The following CCDC91 variants were observed in gnomAD, a reference collection of about 807,000 sequenced individuals.
The protein encoded by CCDC91 is coiled-coil domain containing 91.
A neutral mutation model predicts 63.2 loss-of-function variants in CCDC91; 48 were observed. The observed-to-expected ratio is 0.76, with a 90% CI of 0.60 to 0.97. The LOEUF is 0.97. Ranked by LOEUF, CCDC91 falls within the 50% of genes least tolerant of loss-of-function variation. The pLI is 0.00. For missense variants in CCDC91, 500 were observed against 494.6 expected (o/e 1.01, Z -0.10); for synonymous variants, 167 against 165.8 (o/e 1.01, Z -0.06).
chr12:28,516,799 C>T (rs1341767304), intron 12 of CCDC91, among the ~76,000 whole-genome samples: 1 of 151,804 alleles, frequency 6.6e-6, no homozygotes, highest in Non-Finnish European at 1.5e-5. Context: ...ACATGTCAAC[C>T]CTACTACCTC....
intron 8 of CCDC91, among the ~76,000 whole-genome samples, chr12:28,421,416 T>G (rs1211108345): frequency 6.6e-6 from 1 of 152,068 alleles, no homozygotes; most frequent in African/African-American, 2.4e-5. Context: ...TTTGTCCATG[T>G]ATTCTCAGTG....
intron 11 of CCDC91, among the ~76,000 whole-genome samples, chr12:28,462,254 A>G (rs1950343079): frequency 6.6e-6 from 1 of 152,142 alleles, no homozygotes; most frequent in Non-Finnish European, 1.5e-5. Context: ...GAGTGTTATT[A>G]TCCCATCTTA....
rs567035294 is a variant in CCDC91 at position 28,273,342 on chromosome 12, T to C, written c.109+13900T>C. Among the ~76,000 whole-genome samples, 14 of 152,352 alleles carry C rather than the reference T, an allele frequency of 9.2e-5. No homozygotes were observed. The East Asian group carries it at 1.7e-3, about 19-fold the overall frequency. On this transcript the variant is annotated intron_variant, in intron 3 of 12. Coordinates refer to ENST00000536442, the MANE Select transcript of CCDC91 (RefSeq NM_018318.5). ...TATAGCAGCATGATTTATAATCCTTTGGGTATATACCCAGTAATGGGATTG... is the reference window on the plus strand; with the variant it reads ...TATAGCAGCATGATTTATAATCCTTCGGGTATATACCCAGTAATGGGATTG...
At chr12:28,365,916 A>G (rs1216531985) in intron 7 of CCDC91, among the ~76,000 whole-genome samples, 1 of 152,182 alleles carries the variant, frequency 6.6e-6, no homozygotes, top group East Asian at 1.9e-4. Context: ...CTTTCTAGTT[A>G]TCCTGGACTA....
intron 6 of CCDC91, among the ~76,000 whole-genome samples, chr12:28,350,990 C>A (rs1943145761): frequency 6.6e-6 from 1 of 152,136 alleles, no homozygotes; most frequent in African/African-American, 2.4e-5. Flanking sequence ...TTGGACAAAA[C>A]TTTTTAGGGG....
intron 7 of CCDC91, among the ~76,000 whole-genome samples, chr12:28,371,836 A>G (rs1357462930): frequency 6.6e-6 from 1 of 152,200 alleles, no homozygotes; most frequent in Non-Finnish European, 1.5e-5. Context: ...GTCCCTTTGG[A>G]TATCAAGTGG....
intron 11 of CCDC91, among the ~76,000 whole-genome samples, chr12:28,458,458 T>C: frequency 1.8e-5 from 1 of 56,756 alleles, no homozygotes; most frequent in African/African-American, 6.6e-5. Context: ...TGCACACCTT[T>C]TTTTTTTTTT....
At chr12:28,355,528 C>T (rs776057564) in intron 6 of CCDC91, among the ~76,000 whole-genome samples, 8 of 152,168 alleles carry the variant, frequency 5.3e-5, no homozygotes, top group Non-Finnish European at 1.0e-4. Context: ...TTTTCATCTT[C>T]AGGGTGATGA....
intron 12 of CCDC91, among the ~76,000 whole-genome samples, chr12:28,543,345 C>T (rs1376231776): frequency 6.6e-6 from 1 of 152,082 alleles, no homozygotes; most frequent in Admixed American, 6.6e-5. Context: ...CCACTGTTCT[C>T]TTACAAGATC....
chr12:28,519,618 G>T lies in CCDC91; in HGVS notation c.1216-29445G>T, dbSNP rs1300346123. Among the ~76,000 whole-genome samples the T allele has an allele frequency of 4.0e-5, 6 of 150,456 alleles. No individual in the cohort carries two copies. The East Asian group carries it at 1.2e-3, about 29-fold the overall frequency. ...AAGTTCTAGGGTACACGTGCACAAC[G>T]TGCAGGTTTGTTACATATGTATACA... On this transcript the variant is annotated intron_variant, in intron 12 of 12. Coordinates refer to ENST00000536442, the MANE Select transcript of CCDC91 (RefSeq NM_018318.5).
At chr12:28,441,637 T>A (rs1331576907) in intron 8 of CCDC91, among the ~76,000 whole-genome samples, 1 of 147,930 alleles carries the variant, frequency 6.8e-6, no homozygotes, top group African/African-American at 2.6e-5. Context: ...TGTGTATATA[T>A]ATCTCTCTCT....
At chr12:28,362,109 C>A (rs1281390217) in intron 6 of CCDC91, among the ~76,000 whole-genome samples, 1 of 151,962 alleles carries the variant, frequency 6.6e-6, no homozygotes, top group Non-Finnish European at 1.5e-5. Context: ...AGGCTTGTTG[C>A]AGTGACGCAG....
intron 6 of CCDC91, among the ~76,000 whole-genome samples, chr12:28,317,632 A>G (rs549276906): frequency 1.3e-5 from 2 of 152,026 alleles, no homozygotes; most frequent in East Asian, 3.9e-4. Context: ...TTGATCATAC[A>G]TTTGCCTAAG....
intron 8 of CCDC91, among the ~76,000 whole-genome samples, chr12:28,413,699 C>G (rs1460036657): frequency 6.6e-6 from 1 of 152,190 alleles, no homozygotes; most frequent in Admixed American, 6.5e-5. Flanking sequence ...CACAGGGAAC[C>G]TTTTCCATTG....
At chr12:28,276,123 A>G (rs931286629) in intron 3 of CCDC91, among the ~76,000 whole-genome samples, 2 of 152,072 alleles carry the variant, frequency 1.3e-5, no homozygotes, top group African/African-American at 4.8e-5. Context: ...TCCATGACCT[A>G]TGTAAGTAAT....
At chr12:28,230,206 A>G (rs915989398) in intron 1 of CCDC91, among the ~76,000 whole-genome samples, 3 of 152,188 alleles carry the variant, frequency 2.0e-5, no homozygotes, top group African/African-American at 7.2e-5. Context: ...TGCCTAAGGC[A>G]GGGAAATTGG....
At chr12:28,200,688 A>T (rs910474950) in intron 1 of CCDC91, among the ~76,000 whole-genome samples, 5 of 151,856 alleles carry the variant, frequency 3.3e-5, no homozygotes, top group African/African-American at 1.2e-4. Context: ...CTACACAGAC[A>T]CAGCAACCAT....
intron 8 of CCDC91, among the ~76,000 whole-genome samples, chr12:28,402,820 TCTACTC>T (rs1946721175): frequency 6.6e-6 from 1 of 152,152 alleles, no homozygotes; most frequent in South Asian, 2.1e-4. Flanking sequence ...GAAGTTCTCT[TCTACTC>T]CTAGTTTGCT....
At chr12:28,494,764 C>T (rs1381089768) in intron 12 of CCDC91, among the ~76,000 whole-genome samples, 1 of 151,610 alleles carries the variant, frequency 6.6e-6, no homozygotes, top group Non-Finnish European at 1.5e-5. Flanking sequence ...TATTGAGATA[C>T]AGGGAAAAAG....
Sources: gnomAD v4.1 joint callset for allele counts (sites outside exome capture counted in the v4.1 genomes callset) on GRCh38, gnomAD v4.1.1 for gene constraint, MANE v1.5 for transcripts, NCBI Gene and HGNC (gene_info 2026-07-23, HGNC 2026-07-21) for gene names.